Variants in ITGAD observed in about 807,000 individuals in gnomAD.
ITGAD encodes integrin alpha-D.
In ITGAD, 105 loss-of-function variants were observed where a neutral mutation model predicts 139.0. That is an observed-to-expected ratio of 0.76 (90% CI 0.65 to 0.89). The LOEUF is 0.89. Among genes scored for constraint, ITGAD ranks in the 40% least tolerant of loss-of-function variants. The pLI, the probability that ITGAD is intolerant of heterozygous loss-of-function variation, is 0.00. For missense variants in ITGAD, 1,384 were observed against 1,487.3 expected (o/e 0.93, Z 1.14); for synonymous variants, 569 against 598.3 (o/e 0.95, Z 0.71).
chr16:31,424,113 G>A lies in ITGAD; in HGVS notation c.3171G>A (p.Lys1057=). 1.2e-6 allele frequency: 2 copies of A among 1,614,238 alleles called. No individual in the cohort carries two copies. Among genetic ancestry groups the A allele is most frequent in the Non-Finnish European group, 1.7e-6 (2 of 1,180,036 alleles). Residue 1057 remains lysine (K), a synonymous_variant, in exon 28 of 30, where the codon AAG becomes AAA. Transcript: ENST00000389202. ...CAACCCCTTTGCAGACATTGCAGAA[G>A]AAGGTGTTGGTCGTGAGTGTGGCTG... ...SFGWVRETLQ[K]KVLVVSVAEI... is the part of the protein sequence containing the mutation.
Position 31,417,603 on chromosome 16 carries a change from A to T in ITGAD, c.2500-472A>T, listed in dbSNP as rs183783690. ...TTACTTTTCTTCTGCTTTTTAAAAA[A>T]TTTTTTGTATGGGTCAATTTTCCTG... is the stretch of plus-strand genomic sequence containing the variant. On this transcript the variant is annotated intron_variant, in intron 20 of 29. Transcript: ENST00000389202. 6.0e-4 allele frequency among the ~76,000 whole-genome samples: 91 copies of T among 151,278 alleles called. 1 individual carries two copies. Among genetic ancestry groups the T allele is most frequent in the Admixed American group, 1.6e-3 (25 of 15,260 alleles).
In ITGAD at chr16:31,397,416, T is replaced by C; in HGVS notation, c.195T>C (p.Tyr65=). The part of the protein sequence containing the change: ...VVAANQTGRL[Y]DCAAATGMCQ... ...CGGCCAACCAGACGGGACGGCTGTA[T>C]GACTGCGCAGCTGCCACCGGCATGT... Residue 65 remains tyrosine, a synonymous_variant, in exon 3 of 30, where the codon TAT becomes TAC. Transcript: ENST00000389202. 6.2e-7 allele frequency: 1 copy of C among 1,604,308 alleles called. No individual in the cohort carries two copies. Among genetic ancestry groups the C allele is most frequent in the Non-Finnish European group, 8.5e-7 (1 of 1,175,938 alleles).
intron 10 of ITGAD, 22 bp from the exon 11 acceptor site, chr16:31,410,373 C>A (rs2081655507): frequency 6.2e-7 from 1 of 1,613,584 alleles, no homozygotes; most frequent in Non-Finnish European, 8.5e-7. Context: ...CTCTGCCCAG[C>A]CCTGGAATTC....
Position 31,426,435 on chromosome 16 carries a change from G to A in ITGAD, c.*307G>A. The A allele has an allele frequency of 3.9e-6, 1 of 259,474 alleles. No homozygotes were observed. Among genetic ancestry groups the A allele is most frequent in the South Asian group, 5.0e-5 (1 of 20,178 alleles). 16.1% of individuals were successfully genotyped at this position (259,474 alleles called of 1,614,324 possible). A position where few individuals can be genotyped will look rare whatever the true frequency, so the allele number is the denominator to read the frequency against. ...CTTGCGTGGAAGAGCTATAACCCAG[G>A]GACCTGAGTGCCTCTCTGGGAATAG... On this transcript the variant is annotated 3_prime_UTR_variant, in exon 30 of 30. Coordinates refer to ENST00000389202, the MANE Select transcript of ITGAD (RefSeq NM_005353.3).
chr16:31,410,744 A>C lies in ITGAD; in HGVS notation c.1222A>C (p.Thr408Pro), dbSNP rs1344153408. Reference protein sequence around the residue: ...DMRDSYLGYSTELALWKGVQN... With the variant: ...DMRDSYLGYSPELALWKGVQN... ...AGGCCTGGGCCCCTCAGGTTACTCC[A>C]CCGAGCTAGCCCTGTGGAAGGGGGT... The change falls in exon 12 of 30, where the codon ACC (threonine) becomes CCC (proline). Residue 408 changes from threonine to proline, a missense_variant. Transcript: ENST00000389202. 6.2e-7 allele frequency: 1 copy of C among 1,610,630 alleles called. No individual in the cohort carries two copies. Among genetic ancestry groups the C allele is most frequent in the Non-Finnish European group, 8.5e-7 (1 of 1,179,096 alleles).
intron 25 of ITGAD, 28 bp from the exon 26 acceptor site, chr16:31,423,543 G>C (rs1483823096): frequency 3.1e-6 from 5 of 1,610,074 alleles, no homozygotes; most frequent in Non-Finnish European, 4.3e-6. Flanking sequence ...TGCTCATTCT[G>C]TGGCTAAGTG....
chr16:31,418,076 A>G lies in ITGAD; in HGVS notation c.2501A>G (p.Lys834Arg), dbSNP rs774321057. The change falls in exon 21 of 30, where the codon AAG becomes AGG. Residue 834 changes from lysine (K) to arginine (R), a missense_variant and splice_region_variant. Transcript: ENST00000389202. ...TTAAAATTCATTCTCCTCCCCTAGA[A>G]GCAGCCCCATCAGAGTGCCCTGCGC... ...LSHRRVSGAQ[K>R]QPHQSALRLA... The G allele has an allele frequency of 7.4e-6, 12 of 1,613,616 alleles. No homozygotes were observed. Among genetic ancestry groups the G allele is most frequent in the Non-Finnish European group, 1.0e-5 (12 of 1,179,674 alleles).
rs759237625 is a variant in ITGAD at position 31,410,776 on chromosome 16, C to A, written c.1254C>A (p.Asn418Lys). Residue 418 changes from asparagine to lysine, a missense_variant, in exon 12 of 30, where the codon AAC becomes AAA. Asn to Lys is a moderately conservative substitution (Grantham distance 94). Transcript: ENST00000389202. ...TAGCCCTGTGGAAGGGGGTACAGAA[C>A]CTGGTCCTGGGGGCCCCCCGCTACC... The part of the protein sequence containing the change: ...TELALWKGVQ[N>K]LVLGAPRYQH... 6.2e-7 allele frequency: 1 copy of A among 1,613,582 alleles called. No individual in the cohort carries two copies. The highest frequency in any genetic ancestry group is 2.2e-5 in the East Asian group (1 of 44,854).
At chr16:31,416,338 T>G in intron 19 of ITGAD, 52 bp downstream of exon 19, 1 of 1,531,830 alleles carries the variant, frequency 6.5e-7, no homozygotes, top group Non-Finnish European at 9.0e-7. Context: ...GAGTCCCCCA[T>G]CCTCCTGGGA....
Position 31,426,184 on chromosome 16 carries a change from A to C in ITGAD, c.*56A>C. 1 of 1,205,452 alleles carries C rather than the reference A, an allele frequency of 8.3e-7. No homozygotes were observed. Among genetic ancestry groups the C allele is most frequent in the South Asian group, 1.3e-5 (1 of 79,136 alleles). 74.7% of individuals were successfully genotyped at this position (1,205,452 alleles called of 1,614,324 possible). A position where few individuals can be genotyped will look rare whatever the true frequency, so the allele number is the denominator to read the frequency against. The stretch of plus-strand genomic sequence containing the variant: ...GTGGGCTGGACTTGCTTGCAACCAT[A>C]AATCAACTTACATGGAAACAACTTC... On this transcript the variant is annotated 3_prime_UTR_variant, in exon 30 of 30. Transcript: ENST00000389202.
chr16:31,414,783 G>C (rs2081840437), intron 17 of ITGAD, 77 bp from the exon 18 acceptor site: 1 of 1,581,496 alleles, frequency 6.3e-7, no homozygotes, highest in African/African-American at 1.3e-5. Flanking sequence ...GGGCAGTGGG[G>C]AGTGGATGCA....
At chr16:31,394,202 C>A in intron 1 of ITGAD, 34 bp from the exon 2 acceptor site, 4 of 1,359,116 alleles carry the variant, frequency 2.9e-6, no homozygotes, top group Non-Finnish European at 4.2e-6. Flanking sequence ...GCTTCTTTAA[C>A]TCCCAGCCTC....
chr16:31,422,599 A>G (rs1239399213), intron 23 of ITGAD, among the ~76,000 whole-genome samples: 1 of 152,052 alleles, frequency 6.6e-6, no homozygotes, highest in East Asian at 1.9e-4. Context: ...GCCAAACACT[A>G]CCTATTAGAG....
At position 31,403,372 on chromosome 16, in the gene ITGAD, A is replaced by T; in HGVS notation, c.559-128A>T. Reference sequence around the variant, plus strand: ...GTGACGTGTGCCTGTAGTTCCAGCTACTTGGAGGCTGAGGCAGGAGGATCA... The same window carrying T: ...GTGACGTGTGCCTGTAGTTCCAGCTTCTTGGAGGCTGAGGCAGGAGGATCA... On this transcript the variant is annotated intron_variant, in intron 6 of 29. Transcript: ENST00000389202. The surrounding 1 kb of genome is among the most constrained non-coding windows in gnomAD (Gnocchi z 4.4). 9.3e-7 allele frequency: 1 copy of T among 1,073,062 alleles called. No homozygotes were observed. The highest frequency in any genetic ancestry group is 1.5e-5 in the South Asian group (1 of 66,380). The allele number at this position is 1,073,062 out of a possible 1,614,324, so 66.5% of individuals were successfully genotyped here. A position where few individuals can be genotyped will look rare whatever the true frequency, so the allele number is the denominator to read the frequency against.
chr16:31,417,210 A>ATATATATT (rs2081912593), intron 20 of ITGAD, among the ~76,000 whole-genome samples: 3 of 122,828 alleles, frequency 2.4e-5, no homozygotes, highest in South Asian at 3.0e-4. Flanking sequence ...CGCCCAGCTA[A>ATATATATT]TATTTATTTA....
In ITGAD at chr16:31,412,895, G is replaced by C; in HGVS notation, c.1765G>C (p.Gly589Arg). Residue 589 changes from glycine to arginine, a missense_variant, in exon 15 of 30, where the codon GGG becomes CGG. Coordinates refer to ENST00000389202, the MANE Select transcript of ITGAD (RefSeq NM_005353.3). The stretch of plus-strand genomic sequence containing the variant: ...GCAGTATTTTGGGCAGGCGCTGAGT[G>C]GGGGTCAGGACCTCACCCAGGATGG... The part of the protein sequence containing the change: ...RLQYFGQALS[G>R]GQDLTQDGLM... 5.0e-6 allele frequency: 8 copies of C among 1,614,050 alleles called. No individual in the cohort carries two copies. The highest frequency in any genetic ancestry group is 6.8e-6 in the Non-Finnish European group (8 of 1,179,978).
chr16:31,397,696 T>TGGGTGGGGGGGGGGGGGGGGGGGGGGGGG, intron 4 of ITGAD, 30 bp downstream of exon 4: 1 of 209,036 alleles, frequency 4.8e-6, no homozygotes, highest in Middle Eastern at 7.9e-4. Flanking sequence ...CACGGGGGGG[T>TGGGTGGGGGGGGGGGGGGGGGGGGGGGGG]GGGGTGGGGC....
chr16:31,416,292 C>T lies in ITGAD; in HGVS notation c.2357+6C>T. 6.3e-7 allele frequency: 1 copy of T among 1,594,622 alleles called. No individual in the cohort carries two copies. ...GTCACCCTCAGCTTCTCAGGGTGAG[C>T]TGTAACTCCCTTCATATCCAGACAC... On this transcript the variant is annotated splice_donor_region_variant and intron_variant, in intron 19 of 29. Coordinates refer to ENST00000389202, the MANE Select transcript of ITGAD (RefSeq NM_005353.3).
In ITGAD at chr16:31,413,114, G is replaced by T; in HGVS notation, c.1864G>T (p.Val622Leu). The T allele has an allele frequency of 6.2e-7, 1 of 1,614,186 alleles. No individual in the cohort carries two copies. Among genetic ancestry groups the T allele is most frequent in the Non-Finnish European group, 8.5e-7 (1 of 1,180,028 alleles). Residue 622 changes from valine (V) to leucine (L), a missense_variant, in exon 16 of 30, where the codon GTG becomes TTG. Transcript: ENST00000389202. ...GAGTCTGCCGGTGCTGAAAGTGGGG[G>T]TGGCCATGAGATTCAGCCCTGTGGA... Reference protein sequence around the residue: ...LRSLPVLKVGVAMRFSPVEVA... With the variant: ...LRSLPVLKVGLAMRFSPVEVA...
Sources: allele counts gnomAD v4.1 joint callset (sites outside exome capture counted in the v4.1 genomes callset), GRCh38; gene constraint gnomAD v4.1.1; non-coding constraint Gnocchi (gnomAD v3.1); transcripts MANE v1.5; gene names NCBI Gene and HGNC (gene_info 2026-07-23, HGNC 2026-07-21).